The following DMD variants were observed in gnomAD, a reference collection of about 807,000 sequenced individuals.
DMD encodes mutant dystrophin.
DMD carries 63 observed loss-of-function variants against 330.1 expected under a neutral mutation model. The ratio of observed to expected loss-of-function variants is 0.19; its 90% CI spans 0.16 to 0.24. The LOEUF is 0.24. Among genes scored for constraint, DMD ranks in the 10% least tolerant of loss-of-function variants. The pLI, the probability that DMD is intolerant of heterozygous loss-of-function variation, is 1.00. For synonymous variants in DMD, 1,223 were observed against 959.8 expected (o/e 1.27, Z -5.07); for missense variants, 3,344 against 2,684.1 (o/e 1.25, Z -5.43).
chrX:32,166,782 C>T (rs1197383747), intron 44 of DMD, among the ~76,000 whole-genome samples: 1 of 111,319 alleles, frequency 9.0e-6, no homozygotes, highest in African/African-American at 3.3e-5. Context: ...ACAAGTCTGA[C>T]AAAATCACAT....
At chrX:33,227,712 A>AAGAG (rs759143130) in intron 1 of DMD, among the ~76,000 whole-genome samples, 1,085 of 104,769 alleles carry the variant, frequency 0.01, 16 homozygotes, top group African/African-American at 0.035. Context: ...ATAGTTTTTA[A>AAGAG]AGAGAGAGAG....
intron 17 of DMD, among the ~76,000 whole-genome samples, chrX:32,530,896 T>C (rs139695787): frequency 6.0e-4 from 67 of 112,083 alleles, no homozygotes; most frequent in Admixed American, 4.8e-3. Flanking sequence ...TATACTCAAG[T>C]TGAAAATCCT....
At chrX:33,205,748 G>A (rs978736432) in intron 1 of DMD, among the ~76,000 whole-genome samples, 6 of 111,649 alleles carry the variant, frequency 5.4e-5, no homozygotes, top group Non-Finnish European at 9.4e-5. Context: ...ATGGGACACC[G>A]TAATGGTAAT....
intron 51 of DMD, among the ~76,000 whole-genome samples, chrX:31,737,741 T>C (rs5927825): frequency 0.22 from 24,006 of 110,973 alleles, 2,006 homozygotes; most frequent in East Asian, 0.47. Context: ...CAACAACTAT[T>C]GAAACAAATC....
At chrX:31,325,949 GTT>G (rs79784755) in intron 61 of DMD, among the ~76,000 whole-genome samples, 13 of 98,064 alleles carry the variant, frequency 1.3e-4, no homozygotes, top group East Asian at 1.3e-3. Flanking sequence ...TACCTTTCTA[GTT>G]TTTTTTTTTT....
At chrX:31,779,491 G>T (rs994690079) in intron 50 of DMD, among the ~76,000 whole-genome samples, 3 of 111,931 alleles carry the variant, frequency 2.7e-5, no homozygotes, top group Admixed American at 1.9e-4. Flanking sequence ...TCCATTGGAG[G>T]AATTGTCTTT....
In DMD at chrX:32,644,109, A is replaced by T. The variant is rs758215275; in HGVS notation, c.1331+23T>A. 7 of 1,179,422 alleles carry T rather than the reference A, an allele frequency of 5.9e-6. No individual in the cohort carries two copies. In the African/African-American group the frequency reaches 7.1e-5, roughly 12 times the overall value. On this transcript the variant is annotated intron_variant, in intron 11 of 78. Coordinates refer to ENST00000357033, the MANE Select transcript of DMD (RefSeq NM_004006.3). Reference sequence around the variant, plus strand: ...CTTCCAAAACTTGTTAGTCTTCTTAATTAAAAACAAATAAGGACTTACTTG... The same window carrying T: ...CTTCCAAAACTTGTTAGTCTTCTTATTTAAAAACAAATAAGGACTTACTTG...
At chrX:33,216,436 G>A (rs2052055676), upstream of DMD, among the ~76,000 whole-genome samples, 1 of 110,731 alleles carries the variant, frequency 9.0e-6, no homozygotes, top group Non-Finnish European at 1.9e-5. Context: ...GAGATACTGG[G>A]GACTACTAGA....
chrX:33,095,340 T>C (rs923331369), intron 1 of DMD, among the ~76,000 whole-genome samples: 5 of 112,639 alleles, frequency 4.4e-5, no homozygotes, highest in Non-Finnish European at 9.4e-5. Context: ...ACATAAATGT[T>C]AGCATTCATA....
intron 4 of DMD, among the ~76,000 whole-genome samples, chrX:32,844,140 C>CA (rs2080417675): frequency 9.0e-6 from 1 of 111,590 alleles, no homozygotes. Flanking sequence ...CACGGTGGCT[C>CA]ACGCCTGTAA....
intron 29 of DMD, among the ~76,000 whole-genome samples, chrX:32,425,518 T>C (rs1219772870): frequency 9.0e-6 from 1 of 111,725 alleles, no homozygotes; most frequent in Non-Finnish European, 1.9e-5. Context: ...CAACACATCT[T>C]TTCTGCCCTA....
At chrX:31,363,404 CAG>C (rs1305342206) in intron 60 of DMD, among the ~76,000 whole-genome samples, 5 of 65,188 alleles carry the variant, frequency 7.7e-5, no homozygotes, top group African/African-American at 3.4e-4. Context: ...TTTTTTGAGA[CAG>C]AGTCTTGCTC....
At chrX:32,768,179 T>A (rs1170342647) in intron 7 of DMD, among the ~76,000 whole-genome samples, 2 of 111,964 alleles carry the variant, frequency 1.8e-5, no homozygotes, top group African/African-American at 3.2e-5. Context: ...AAAAAATGAA[T>A]ATGCTATCTT....
intron 2 of DMD, among the ~76,000 whole-genome samples, chrX:32,926,837 C>CAT (rs375043771): frequency 0.013 from 1,413 of 108,772 alleles, 21 homozygotes; most frequent in African/African-American, 0.044. Flanking sequence ...CTGAGCCATT[C>CAT]ATATATATAT....
chrX:32,272,314 T>C (rs886797356), intron 43 of DMD, among the ~76,000 whole-genome samples: 9 of 112,218 alleles, frequency 8.0e-5, no homozygotes, highest in African/African-American at 2.9e-4. Context: ...TCAGGACTCC[T>C]CAAGCACATC....
intron 60 of DMD, among the ~76,000 whole-genome samples, chrX:31,402,428 C>T (rs2061231879): frequency 1.8e-5 from 2 of 111,782 alleles, no homozygotes; most frequent in African/African-American, 3.3e-5. Context: ...GGCAAGATCC[C>T]TTATAGTTTT....
intron 7 of DMD, among the ~76,000 whole-genome samples, chrX:32,780,951 A>T (rs1022254102): frequency 6.5e-5 from 7 of 107,675 alleles, no homozygotes; most frequent in Non-Finnish European, 9.6e-5. Flanking sequence ...AAATAAAAAA[A>T]AATAAAAAAT....
At chrX:32,112,319 T>C (rs1186062875) in intron 44 of DMD, among the ~76,000 whole-genome samples, 2 of 111,937 alleles carry the variant, frequency 1.8e-5, no homozygotes, top group Non-Finnish European at 3.8e-5. Flanking sequence ...AGATGAGGCC[T>C]GAGGATCTAT....
chrX:32,748,696 A>G (rs1010618021), intron 7 of DMD, among the ~76,000 whole-genome samples: 2 of 112,286 alleles, frequency 1.8e-5, no homozygotes, highest in African/African-American at 6.5e-5. Context: ...TTATCAATAC[A>G]TAGGGATTGA....
Sources: allele counts gnomAD v4.1 joint callset (sites outside exome capture counted in the v4.1 genomes callset), GRCh38; gene constraint gnomAD v4.1.1; transcripts MANE v1.5; gene names NCBI Gene and HGNC (gene_info 2026-07-23, HGNC 2026-07-21).